CALN1: variants seen among roughly 807,000 people sequenced by gnomAD.
The protein encoded by CALN1 is calcium-binding protein 8.
Under a neutral mutation model 30.6 loss-of-function variants are expected in CALN1, and 17 were observed. The ratio of observed to expected loss-of-function variants is 0.56; its 90% CI spans 0.38 to 0.83. CALN1 has a LOEUF of 0.83. Ranked by LOEUF, CALN1 falls within the 40% of genes least tolerant of loss-of-function variation. The pLI, the probability that CALN1 is intolerant of heterozygous loss-of-function variation, is 0.00. For missense variants in CALN1, 291 were observed against 354.9 expected (o/e 0.82, Z 1.45); for synonymous variants, 156 against 131.4 (o/e 1.19, Z -1.28).
intron 4 of CALN1, among the ~76,000 whole-genome samples, chr7:72,048,829 G>A (rs1802653274): frequency 6.7e-6 from 1 of 149,854 alleles, no homozygotes; most frequent in South Asian, 2.1e-4. Context: ...TTTCGACAGG[G>A]TCTCACTGTG....
chr7:72,176,587 A>T (rs1171385733), intron 3 of CALN1, among the ~76,000 whole-genome samples: 1 of 152,006 alleles, frequency 6.6e-6, no homozygotes, highest in Non-Finnish European at 1.5e-5. Flanking sequence ...TCCCTCCATG[A>T]CTGGAAGCTT....
At chr7:71,846,535 CGTGT>C (rs1189714238) in intron 5 of CALN1, among the ~76,000 whole-genome samples, 4 of 151,790 alleles carry the variant, frequency 2.6e-5, no homozygotes, top group East Asian at 1.9e-4. Flanking sequence ...TGTGCGCGTG[CGTGT>C]GTGTGTATAG....
intron 3 of CALN1, among the ~76,000 whole-genome samples, chr7:72,241,616 A>C (rs375535369): frequency 6.6e-6 from 1 of 152,044 alleles, no homozygotes; most frequent in African/African-American, 2.4e-5. Flanking sequence ...TGAGGCAGGA[A>C]AATCGCTTGA....
At chr7:72,206,322 C>T (rs1424583832) in intron 3 of CALN1, among the ~76,000 whole-genome samples, 1 of 152,186 alleles carries the variant, frequency 6.6e-6, no homozygotes, top group Non-Finnish European at 1.5e-5. Context: ...GTTCTCTGTA[C>T]TTATGACGTC....
At chr7:72,224,593 T>C (rs1793536384) in intron 3 of CALN1, among the ~76,000 whole-genome samples, 1 of 150,664 alleles carries the variant, frequency 6.6e-6, no homozygotes, top group South Asian at 2.1e-4. Flanking sequence ...AGACCAGCCT[T>C]GCAACATGGT....
chr7:72,127,152 T>C (rs1233259591), intron 3 of CALN1, among the ~76,000 whole-genome samples: 2 of 151,720 alleles, frequency 1.3e-5, no homozygotes, highest in Non-Finnish European at 1.5e-5. Context: ...GGTTAGGGTA[T>C]TGAGGGGACA....
intron 3 of CALN1, among the ~76,000 whole-genome samples, chr7:72,184,800 T>G (rs1790065740): frequency 6.6e-6 from 1 of 151,846 alleles, no homozygotes; most frequent in African/African-American, 2.4e-5. Flanking sequence ...TTTCTTTTTC[T>G]TATTTTTTTT....
intron 3 of CALN1, among the ~76,000 whole-genome samples, chr7:72,112,525 T>G (rs569203868): frequency 1.3e-5 from 2 of 152,256 alleles, no homozygotes; most frequent in East Asian, 3.9e-4. Context: ...GGCAGTTATT[T>G]AAAAGCTATG....
intron 3 of CALN1, among the ~76,000 whole-genome samples, chr7:72,246,357 G>T (rs1585255341): frequency 6.6e-6 from 1 of 152,144 alleles, no homozygotes; most frequent in Non-Finnish European, 1.5e-5. Context: ...CCTCTGGACT[G>T]ACTCCAACTC....
At chr7:71,972,916 C>T (rs1166160533) in intron 5 of CALN1, among the ~76,000 whole-genome samples, 1 of 152,078 alleles carries the variant, frequency 6.6e-6, no homozygotes, top group African/African-American at 2.4e-5. Flanking sequence ...GGAACAGTCA[C>T]CTGATGTTCA....
intron 3 of CALN1, among the ~76,000 whole-genome samples, chr7:72,164,369 G>A (rs79386096): frequency 5.1e-5 from 4 of 78,984 alleles, no homozygotes; most frequent in South Asian, 3.0e-4. Context: ...AAAAAAAAAA[G>A]AAGAAGAAGA....
intron 2 of CALN1, among the ~76,000 whole-genome samples, chr7:72,301,711 C>A (rs1799272998): frequency 6.6e-6 from 1 of 150,936 alleles, no homozygotes; most frequent in Non-Finnish European, 1.5e-5. Flanking sequence ...TTACATGGGG[C>A]ATCCTGTTCA....
At chr7:71,841,535 C>T (rs896306281) in intron 5 of CALN1, among the ~76,000 whole-genome samples, 5 of 152,198 alleles carry the variant, frequency 3.3e-5, no homozygotes, top group Non-Finnish European at 7.3e-5. Context: ...AATCATTCTA[C>T]CTAAGACACT....
At chr7:72,019,750 C>T (rs844792) in intron 5 of CALN1, among the ~76,000 whole-genome samples, 44,199 of 152,100 alleles carry the variant, frequency 0.29, 10,203 homozygotes, top group African/African-American at 0.64. Context: ...AGACCCTGAG[C>T]TAGAACCACC....
intron 4 of CALN1, among the ~76,000 whole-genome samples, chr7:72,049,869 G>C (rs939705762): frequency 4.7e-5 from 7 of 150,144 alleles, no homozygotes; most frequent in Admixed American, 1.3e-4. Context: ...GAGTGCAGTG[G>C]TGCAATCTCG....
chr7:72,322,506 A>C (rs763254312), intron 2 of CALN1, among the ~76,000 whole-genome samples: 1 of 152,152 alleles, frequency 6.6e-6, no homozygotes, highest in African/African-American at 2.4e-5. Context: ...CATTTCTCCA[A>C]GCTTCCAATT....
intron 3 of CALN1, among the ~76,000 whole-genome samples, chr7:72,251,260 C>T (rs1188356205): frequency 6.6e-6 from 1 of 152,182 alleles, no homozygotes; most frequent in African/African-American, 2.4e-5. Context: ...TGAACTTCCA[C>T]ATCACAGGAT....
intron 5 of CALN1, among the ~76,000 whole-genome samples, chr7:71,955,076 T>G (rs2129524560): frequency 6.6e-6 from 1 of 152,208 alleles, no homozygotes; most frequent in Non-Finnish European, 1.5e-5. Context: ...GTTTAATGGA[T>G]TCACAGTCCC....
rs1232698071 is a variant in CALN1, at chr7:72,370,128, C to T, written c.119+33123G>A. On this transcript the variant is annotated intron_variant, in intron 2 of 6. Transcript: ENST00000395275. ...CAATGACTCTACATTGTCACCAGAA[C>T]TTGGTACAGTCATTTTAACTTCAGA... is the stretch of plus-strand genomic sequence containing the variant. Among the ~76,000 whole-genome samples, 4 of 152,242 alleles carry T rather than the reference C, an allele frequency of 2.6e-5. No homozygotes were observed. The South Asian group carries it at 6.2e-4, about 24-fold the overall frequency.
Sources: gnomAD v4.1 joint callset for allele counts (sites outside exome capture counted in the v4.1 genomes callset) on GRCh38, gnomAD v4.1.1 for gene constraint, MANE v1.5 for transcripts, NCBI Gene and HGNC (gene_info 2026-07-23, HGNC 2026-07-21) for gene names.